The following CTDSPL2 variants were observed in gnomAD, a reference collection of about 807,000 sequenced individuals.
The protein encoded by CTDSPL2 is CTD small phosphatase like 2, also known as CTD small phosphatase-like protein 2.
Under a neutral mutation model 60.0 loss-of-function variants are expected in CTDSPL2, and 5 were observed. The ratio of observed to expected loss-of-function variants is 0.08; its 90% CI spans 0.04 to 0.18. CTDSPL2 has a LOEUF of 0.18. Among genes scored for constraint, CTDSPL2 ranks in the 10% least tolerant of loss-of-function variants. The pLI, the probability that CTDSPL2 is intolerant of heterozygous loss-of-function variation, is 1.00. For synonymous variants in CTDSPL2, 186 were observed against 189.3 expected, an observed-to-expected ratio of 0.98 and a Z score of 0.14; for missense variants, 370 against 548.8, an observed-to-expected ratio of 0.67 and a Z score of 3.26.
At chr15:44,471,985 G>A (rs1363536939) in intron 2 of CTDSPL2, among the ~76,000 whole-genome samples, 3 of 150,510 alleles carry the variant, frequency 2.0e-5, no homozygotes, top group Admixed American at 6.6e-5. Flanking sequence ...AAAAAAAAAA[G>A]AGAAAAAACA....
chr15:44,528,350 TTTGG>T lies in CTDSPL2; in HGVS notation c.*4183_*4186del, dbSNP rs1017623327. ...TGAGAGTTCTGGCTTTTTTTTTTTG[TTTGG>T]TTGGTTTTGTTTTGTTTTGTTTTGT... is the stretch of plus-strand genomic sequence containing the variant. On this transcript the variant is annotated 3_prime_UTR_variant, in exon 13 of 13. Coordinates refer to ENST00000260327, the MANE Select transcript of CTDSPL2 (RefSeq NM_016396.3). The T allele has an allele frequency of 5.9e-5, 9 of 151,282 alleles. No individual in the cohort carries two copies. The highest frequency in any genetic ancestry group is 1.7e-4 in the African/African-American group (7 of 41,086). The allele number at this position is 151,282 out of a possible 1,614,324, so 9.4% of individuals were successfully genotyped here.
chr15:44,463,918 A>T (rs1334116275), intron 2 of CTDSPL2, among the ~76,000 whole-genome samples: 6 of 152,240 alleles, frequency 3.9e-5, no homozygotes, highest in African/African-American at 1.2e-4. Flanking sequence ...GAATTTAGGT[A>T]ACTTGCAGTG....
chr15:44,483,174 G>A (rs939282491), intron 2 of CTDSPL2, among the ~76,000 whole-genome samples: 2 of 151,456 alleles, frequency 1.3e-5, no homozygotes, highest in African/African-American at 2.4e-5. Context: ...CAGGAGAATC[G>A]CTTGAACCCA....
At chr15:44,477,990 T>G (rs2080952922) in intron 2 of CTDSPL2, among the ~76,000 whole-genome samples, 1 of 152,234 alleles carries the variant, frequency 6.6e-6, no homozygotes, top group Non-Finnish European at 1.5e-5. Flanking sequence ...ACCAATTTTC[T>G]TAGTTTTATG....
intron 2 of CTDSPL2, among the ~76,000 whole-genome samples, chr15:44,466,301 C>T (rs1366928364): frequency 1.3e-5 from 2 of 152,150 alleles, no homozygotes; most frequent in Non-Finnish European, 2.9e-5. Context: ...AGGCATGAGC[C>T]ACCACACCTG....
intron 2 of CTDSPL2, among the ~76,000 whole-genome samples, chr15:44,473,845 T>C (rs1284730668): frequency 6.6e-6 from 1 of 152,244 alleles, no homozygotes; most frequent in African/African-American, 2.4e-5. Flanking sequence ...GTATTTGATA[T>C]TGTAAGTCTT....
rs549846300 is a variant in CTDSPL2 at position 44,450,878 on chromosome 15, G to A, written c.-24-8113G>A. ...CTCCCAAAGTGCTGGGATTACAGGCGTGAGCCACTGCATCTGGCCAATATT... is the reference window on the plus strand; with the variant it reads ...CTCCCAAAGTGCTGGGATTACAGGCATGAGCCACTGCATCTGGCCAATATT... On this transcript the variant is annotated intron_variant, in intron 1 of 12. Coordinates refer to ENST00000260327, the MANE Select transcript of CTDSPL2 (RefSeq NM_016396.3). Among the ~76,000 whole-genome samples the A allele has an allele frequency of 1.2e-4, 19 of 152,102 alleles. 1 individual carries two copies. The highest frequency in any genetic ancestry group is 3.6e-4 in the African/African-American group (15 of 41,532).
intron 1 of CTDSPL2, among the ~76,000 whole-genome samples, chr15:44,432,398 C>T (rs2079877795): frequency 6.6e-6 from 1 of 151,776 alleles, no homozygotes; most frequent in East Asian, 1.9e-4. Context: ...TGGCTCAATG[C>T]AACCTCCGCC....
Position 44,528,129 on chromosome 15 carries a change from GATCTTTTTTAAAA to G in CTDSPL2, c.*3957_*3969del, listed in dbSNP as rs2081900596. ...GTTCTGGGGATATAACATGATTTGA[GATCTTTTTTAAAA>G]AAGGGTGGGGCGGCGGGGGAGAGAG... On this transcript the variant is annotated 3_prime_UTR_variant, in exon 13 of 13. Transcript: ENST00000260327. 6.6e-6 allele frequency: 1 copy of G among 152,190 alleles called. No homozygotes were observed. Among genetic ancestry groups the G allele is most frequent in the South Asian group, 2.1e-4 (1 of 4,818 alleles). The allele number at this position is 152,190 out of a possible 1,614,324, so 9.4% of individuals were successfully genotyped here.
At chr15:44,443,089 A>G (rs1365524538) in intron 1 of CTDSPL2, among the ~76,000 whole-genome samples, 1 of 152,200 alleles carries the variant, frequency 6.6e-6, no homozygotes, top group Non-Finnish European at 1.5e-5. Context: ...GTGTTAAACC[A>G]TTTTAACCAT....
At chr15:44,488,341 C>T (rs2081157229) in intron 4 of CTDSPL2, among the ~76,000 whole-genome samples, 1 of 151,896 alleles carries the variant, frequency 6.6e-6, no homozygotes, top group African/African-American at 2.4e-5. Flanking sequence ...TTAGAGAAGA[C>T]AGGAAGGATC....
At chr15:44,520,663 C>T (rs552940695) in intron 11 of CTDSPL2, 1 of 152,276 alleles carries the variant, frequency 6.6e-6, no homozygotes, top group South Asian at 2.1e-4. Context: ...AGAATTTCAT[C>T]TTGGTTCCTA....
chr15:44,476,569 A>G (rs1365314350), intron 2 of CTDSPL2, among the ~76,000 whole-genome samples: 1 of 152,206 alleles, frequency 6.6e-6, no homozygotes, highest in Non-Finnish European at 1.5e-5. Context: ...CTTATGGTCC[A>G]ATAAGGTTAT....
chr15:44,526,627 T>A lies in CTDSPL2; in HGVS notation c.*2453T>A, dbSNP rs866259068. On this transcript the variant is annotated 3_prime_UTR_variant, in exon 13 of 13. Coordinates refer to ENST00000260327, the MANE Select transcript of CTDSPL2 (RefSeq NM_016396.3). ...ATTTTAAATTTGTTAATACAAAATT[T>A]AAGATAATTTACAGAGACAATTTAT... 6.6e-6 allele frequency: 1 copy of A among 152,194 alleles called. No homozygotes were observed. The highest frequency in any genetic ancestry group is 1.5e-5 in the Non-Finnish European group (1 of 67,992). 9.4% of individuals were successfully genotyped at this position (152,194 alleles called of 1,614,324 possible). A position where few individuals can be genotyped will look rare whatever the true frequency, so the allele number is the denominator to read the frequency against.
At chr15:44,523,796 G>A (rs1160194304) in intron 12 of CTDSPL2, among the ~76,000 whole-genome samples, 1 of 152,188 alleles carries the variant, frequency 6.6e-6, no homozygotes, top group Non-Finnish European at 1.5e-5. Flanking sequence ...CTACTTTGGA[G>A]GCTGAGGCAC....
intron 8 of CTDSPL2, among the ~76,000 whole-genome samples, chr15:44,508,132 G>C (rs1443311865): frequency 6.6e-6 from 1 of 150,798 alleles, no homozygotes; most frequent in African/African-American, 2.4e-5. Context: ...ACCCAGGCTA[G>C]AGTACAGTGA....
chr15:44,492,007 G>T (rs1397803684), intron 5 of CTDSPL2, among the ~76,000 whole-genome samples: 2 of 152,056 alleles, frequency 1.3e-5, no homozygotes, highest in Non-Finnish European at 2.9e-5. Context: ...GGGATTACAG[G>T]CATGTGACAC....
intron 1 of CTDSPL2, among the ~76,000 whole-genome samples, chr15:44,443,238 T>G (rs1032663792): frequency 2.6e-5 from 4 of 152,214 alleles, no homozygotes; most frequent in Admixed American, 2.6e-4. Context: ...TATCAGAATT[T>G]CCTTCCTTTT....
At chr15:44,465,667 G>C (rs570108245) in intron 2 of CTDSPL2, among the ~76,000 whole-genome samples, 26 of 147,866 alleles carry the variant, frequency 1.8e-4, no homozygotes, top group Admixed American at 9.5e-4. Context: ...CTTTAACTCT[G>C]ATTTGCCAAA....
Sources: allele counts gnomAD v4.1 joint callset (sites outside exome capture counted in the v4.1 genomes callset), GRCh38; gene constraint gnomAD v4.1.1; transcripts MANE v1.5; gene names NCBI Gene and HGNC (gene_info 2026-07-23, HGNC 2026-07-21).